KHDRBS2: variants seen among roughly 807,000 people sequenced by gnomAD.
The protein encoded by KHDRBS2 is KH RNA binding domain containing, signal transduction associated 2.
Under a neutral mutation model 44.3 loss-of-function variants are expected in KHDRBS2, and 26 were observed. The observed-to-expected ratio is 0.59, with a 90% CI of 0.43 to 0.81. The LOEUF (loss-of-function observed/expected upper bound fraction) is 0.81, where lower values mean the gene tolerates loss of function less well. Ranked by LOEUF, KHDRBS2 falls within the 40% of genes least tolerant of loss-of-function variation. The pLI, the probability that KHDRBS2 is intolerant of heterozygous loss-of-function variation, is 0.00. For synonymous variants in KHDRBS2, 194 were observed against 151.1 expected (o/e 1.28, Z -2.08); for missense variants, 476 against 433.1 (o/e 1.10, Z -0.88).
intron 6 of KHDRBS2, among the ~76,000 whole-genome samples, chr6:61,786,207 C>T (rs1783787623): frequency 6.6e-6 from 1 of 151,472 alleles, no homozygotes; most frequent in Non-Finnish European, 1.5e-5. Flanking sequence ...AGAGAGAGAA[C>T]AGAGGAAAAA....
chr6:61,933,026 C>A (rs764906237), intron 4 of KHDRBS2, among the ~76,000 whole-genome samples: 1 of 151,944 alleles, frequency 6.6e-6, no homozygotes, highest in Non-Finnish European at 1.5e-5. Flanking sequence ...AAAGAAATAC[C>A]GGAAACTGGG....
the KHDRBS2 span, among the ~76,000 whole-genome samples, chr6:61,648,320 T>C: frequency 6.6e-6 from 1 of 152,068 alleles, no homozygotes; most frequent in African/African-American, 2.4e-5. Context: ...AATGTCTTTG[T>C]TTAGATAAGG....
At chr6:61,965,911 C>A (rs544465398) in intron 4 of KHDRBS2, among the ~76,000 whole-genome samples, 1 of 151,960 alleles carries the variant, frequency 6.6e-6, no homozygotes, top group Non-Finnish European at 1.5e-5. Flanking sequence ...AGTTTCCTCA[C>A]CTTTGTGTAT....
the KHDRBS2 span, among the ~76,000 whole-genome samples, chr6:61,621,443 C>T: frequency 1.3e-5 from 2 of 152,198 alleles, no homozygotes; most frequent in South Asian, 2.1e-4. Flanking sequence ...TAGAAAGAGC[C>T]CCTTATCTCA....
At chr6:61,563,931 T>C in the KHDRBS2 span, among the ~76,000 whole-genome samples, 4 of 152,090 alleles carry the variant, frequency 2.6e-5, no homozygotes, top group Non-Finnish European at 4.4e-5. Flanking sequence ...CATGCAGCAA[T>C]AGAGGAATGA....
intron 8 of KHDRBS2, among the ~76,000 whole-genome samples, chr6:61,696,123 A>G (rs1360473110): frequency 2.0e-5 from 3 of 152,110 alleles, no homozygotes; most frequent in African/African-American, 7.2e-5. Flanking sequence ...CTAGGACTAC[A>G]GTCATGCACC....
chr6:61,560,686 C>T, the KHDRBS2 span, among the ~76,000 whole-genome samples: 3 of 152,128 alleles, frequency 2.0e-5, no homozygotes, highest in African/African-American at 7.2e-5. Flanking sequence ...CTCTTTGCTA[C>T]ATTTCTCTGA....
chr6:62,285,927 G>C lies in KHDRBS2; in HGVS notation c.22C>G (p.Pro8Ala), dbSNP rs1341445142. The C allele has an allele frequency of 1.2e-6, 2 of 1,612,678 alleles. No individual in the cohort carries two copies. Among genetic ancestry groups the C allele is most frequent in the Non-Finnish European group, 1.7e-6 (2 of 1,179,112 alleles). The change falls in exon 1 of 9, where the codon CCT becomes GCT. Residue 8 changes from proline (P) to alanine (A), a missense_variant. Pro to Ala is a conservative substitution (Grantham distance 27). Coordinates refer to ENST00000281156, the MANE Select transcript of KHDRBS2 (RefSeq NM_152688.4). ...CTATCTTTCTCTGCCATCAGCTCAG[G>C]CAAATATTTCTCCTCTTCCATAGCG... MEEEKYL[P>A]ELMAEKDSLD...
intron 6 of KHDRBS2, among the ~76,000 whole-genome samples, chr6:61,860,838 G>T (rs1327069322): frequency 6.6e-6 from 1 of 152,018 alleles, no homozygotes; most frequent in African/African-American, 2.4e-5. Context: ...CCCACCAAAA[G>T]TGTAAAAGCA....
intron 6 of KHDRBS2, among the ~76,000 whole-genome samples, chr6:61,814,693 G>T (rs1275255280): frequency 1.3e-5 from 2 of 152,126 alleles, no homozygotes; most frequent in Non-Finnish European, 2.9e-5. Flanking sequence ...GGGTTTGTTT[G>T]GGTTCAAATG....
At chr6:62,108,311 A>C (rs1048363901) in intron 2 of KHDRBS2, among the ~76,000 whole-genome samples, 1 of 152,238 alleles carries the variant, frequency 6.6e-6, no homozygotes, top group African/African-American at 2.4e-5. Context: ...TCTCAAAAGA[A>C]GACATTTATG....
chr6:61,673,957 G>A, the KHDRBS2 span, among the ~76,000 whole-genome samples: 2 of 151,540 alleles, frequency 1.3e-5, no homozygotes, highest in Admixed American at 6.6e-5. Context: ...AAAAGAGCCC[G>A]CATCGCCAAG....
intron 7 of KHDRBS2, among the ~76,000 whole-genome samples, chr6:61,699,293 A>C (rs1411819961): frequency 7.9e-5 from 12 of 152,066 alleles, no homozygotes. Context: ...AATTTAATTT[A>C]ATTATTATTG....
the KHDRBS2 span, among the ~76,000 whole-genome samples, chr6:61,554,675 C>T: frequency 1.3e-5 from 2 of 152,162 alleles, no homozygotes; most frequent in Admixed American, 6.5e-5. Flanking sequence ...TTAGCCCTCC[C>T]TTCAGGACCT....
In KHDRBS2 at chr6:61,945,435, G is replaced by T. The variant is rs1813171336; in HGVS notation, c.483+32631C>A. 1.3e-5 allele frequency among the ~76,000 whole-genome samples: 2 copies of T among 151,626 alleles called. 1 individual carries two copies. The highest frequency in any genetic ancestry group is 3.9e-4 in the East Asian group (2 of 5,152). On this transcript the variant is annotated intron_variant, in intron 4 of 8. Coordinates refer to ENST00000281156, the MANE Select transcript of KHDRBS2 (RefSeq NM_152688.4). The stretch of plus-strand genomic sequence containing the variant: ...TATTACCACTTCTCCATCTGTATCA[G>T]TTTCTCCATTACTACAAGCTTTATT...
intron 6 of KHDRBS2, among the ~76,000 whole-genome samples, chr6:61,804,973 C>T (rs890935870): frequency 6.6e-6 from 1 of 152,154 alleles, no homozygotes; most frequent in Non-Finnish European, 1.5e-5. Context: ...CTGAAGCTGC[C>T]TTAAATTTCT....
At chr6:61,840,672 T>C (rs979837221) in intron 6 of KHDRBS2, among the ~76,000 whole-genome samples, 21 of 152,270 alleles carry the variant, frequency 1.4e-4, no homozygotes, top group African/African-American at 5.1e-4. Flanking sequence ...TGATGGCACA[T>C]GCTAATGCTG....
chr6:62,210,447 CG>C (rs1563069607), intron 1 of KHDRBS2, among the ~76,000 whole-genome samples: 1 of 151,426 alleles, frequency 6.6e-6, no homozygotes, highest in Non-Finnish European at 1.5e-5. Context: ...TATCCTGCCT[CG>C]GCCCCCAGAG....
At chr6:61,854,449 T>G (rs1795883386) in intron 6 of KHDRBS2, among the ~76,000 whole-genome samples, 1 of 152,128 alleles carries the variant, frequency 6.6e-6, no homozygotes, top group South Asian at 2.1e-4. Flanking sequence ...AATGATTACC[T>G]TGCCAATATT....
Sources: allele counts gnomAD v4.1 joint callset (sites outside exome capture counted in the v4.1 genomes callset), GRCh38; gene constraint gnomAD v4.1.1; transcripts MANE v1.5; gene names NCBI Gene and HGNC (gene_info 2026-07-23, HGNC 2026-07-21).